PAAF1: variants seen among roughly 807,000 people sequenced by gnomAD.
PAAF1 encodes proteasomal ATPase associated factor 1, also known as proteasomal ATPase-associated factor 1.
Under a neutral mutation model 52.8 loss-of-function variants are expected in PAAF1, and 46 were observed. That is an observed-to-expected ratio of 0.87 (90% CI 0.69 to 1.11). PAAF1 has a LOEUF of 1.11. Among genes scored for constraint, PAAF1 ranks in the 50% most tolerant of loss-of-function variants. The probability of loss-of-function intolerance (pLI) is 0.00; values close to 1 mark genes in which losing one functional copy is unlikely to be tolerated. For synonymous variants in PAAF1, 178 were observed against 172.8 expected (o/e 1.03, Z -0.24); for missense variants, 424 against 477.4 (o/e 0.89, Z 1.04).
chr11:73,915,589 C>G (rs1329916006), intron 8 of PAAF1, among the ~76,000 whole-genome samples: 1 of 152,150 alleles, frequency 6.6e-6, no homozygotes, highest in Non-Finnish European at 1.5e-5. Context: ...GCCTGGGGAA[C>G]AAGAGTGAGA....
At chr11:73,923,330 ATAATCT>A (rs1303007274) in intron 10 of PAAF1, among the ~76,000 whole-genome samples, 5 of 152,156 alleles carry the variant, frequency 3.3e-5, no homozygotes, top group African/African-American at 4.8e-5. Flanking sequence ...ATACAAAGTC[ATAATCT>A]TAATACAGAA....
intron 4 of PAAF1, 75 bp from the exon 5 acceptor site, chr11:73,899,071 A>T (rs1389996895): frequency 6.0e-6 from 7 of 1,173,900 alleles, no homozygotes; most frequent in Middle Eastern, 1.9e-4. Context: ...GAAAAAAGGG[A>T]AGTTTATAAC....
At position 73,914,411 on chromosome 11, in the gene PAAF1, A is replaced by C; in HGVS notation, c.728-2A>C. The C allele has an allele frequency of 6.2e-7, 1 of 1,613,780 alleles. No individual in the cohort carries two copies. Among genetic ancestry groups the C allele is most frequent in the Non-Finnish European group, 8.5e-7 (1 of 1,179,734 alleles). On this transcript the variant is annotated splice_acceptor_variant, in intron 7 of 11. Coordinates refer to ENST00000310571, the MANE Select transcript of PAAF1 (RefSeq NM_025155.3). LOFTEE classifies it high-confidence loss of function. Reference sequence around the variant, plus strand: ...TATTAACATAGTTTATTTGTCATGCAGGTGAACGGGAGGTTGGAACAGAGG... The same window carrying C: ...TATTAACATAGTTTATTTGTCATGCCGGTGAACGGGAGGTTGGAACAGAGG...
At position 73,886,672 on chromosome 11, in the gene PAAF1, CAAAAAAAAAAA is replaced by C. The variant is rs55697916; in HGVS notation, c.89-666_89-656del. Among the ~76,000 whole-genome samples, 4 of 34,278 alleles carry C rather than the reference CAAAAAAAAAAA, an allele frequency of 1.2e-4. No homozygotes were observed. The East Asian group carries it at 2.5e-3, about 22-fold the overall frequency. 22.5% of individuals were successfully genotyped at this position (34,278 alleles called of 152,430 possible). On this transcript the variant is annotated intron_variant, in intron 2 of 11. Coordinates refer to ENST00000310571, the MANE Select transcript of PAAF1 (RefSeq NM_025155.3). ...TGGGCGACAGAGCAAGACTCCATCTCAAAAAAAAAAAAAAAAAAAAAAAAAAGAAAATGTAT... is the reference window on the plus strand; with the variant it reads ...TGGGCGACAGAGCAAGACTCCATCTCAAAAAAAAAAAAAAAGAAAATGTAT...
chr11:73,891,056 T>C lies in PAAF1; in HGVS notation c.193-56T>C, dbSNP rs112321955. 1.0e-3 allele frequency: 1,074 copies of C among 1,032,614 alleles called. 6 individuals are homozygous for C. In the African/African-American group the frequency reaches 0.011, roughly 11 times the overall value. 64.0% of individuals were successfully genotyped at this position (1,032,614 alleles called of 1,614,324 possible). A position where few individuals can be genotyped will look rare whatever the true frequency, so the allele number is the denominator to read the frequency against. Reference sequence around the variant, plus strand: ...TAATGTTTTCTTTAAGAGGCTTTAATTATAATACATTGGAGGAGTTTTACT... The same window carrying C: ...TAATGTTTTCTTTAAGAGGCTTTAACTATAATACATTGGAGGAGTTTTACT... On this transcript the variant is annotated intron_variant, in intron 3 of 11. Transcript: ENST00000310571.
rs1591040061 is a variant in PAAF1, at chr11:73,882,542, A to T, written c.88+3723A>T. 2.0e-5 allele frequency among the ~76,000 whole-genome samples: 3 copies of T among 149,262 alleles called. No individual in the cohort carries two copies. In the East Asian group the frequency reaches 6.1e-4, roughly 30 times the overall value. ...GCTCACTGCAACCTCCACCTCCTGG[A>T]TTCAAGCGATTCTCCTGCCTCAGCC... On this transcript the variant is annotated intron_variant, in intron 2 of 11. Coordinates refer to ENST00000310571, the MANE Select transcript of PAAF1 (RefSeq NM_025155.3).
intron 6 of PAAF1, among the ~76,000 whole-genome samples, chr11:73,900,626 G>A (rs1021386667): frequency 4.6e-5 from 7 of 152,154 alleles, no homozygotes; most frequent in African/African-American, 1.7e-4. Flanking sequence ...TACACAGTTG[G>A]TTTGATACCT....
chr11:73,922,516 T>A (rs553342240), intron 10 of PAAF1, among the ~76,000 whole-genome samples: 1 of 152,206 alleles, frequency 6.6e-6, no homozygotes, highest in African/African-American at 2.4e-5. Context: ...AGTTCTGTAC[T>A]GGTTTAGAAG....
rs537407209 is a variant in PAAF1, at chr11:73,908,317, G to T, written c.533-1082G>T. ...TATGTGTGTATATATGTATATATATGTGTATATATGTATATATATGTGTAT... is the reference window on the plus strand; with the variant it reads ...TATGTGTGTATATATGTATATATATTTGTATATATGTATATATATGTGTAT... On this transcript the variant is annotated intron_variant, in intron 6 of 11. Transcript: ENST00000310571. 1.2e-3 allele frequency among the ~76,000 whole-genome samples: 179 copies of T among 145,002 alleles called. 1 individual carries two copies. Among genetic ancestry groups the T allele is most frequent in the African/African-American group, 4.4e-3 (173 of 39,608 alleles).
chr11:73,906,139 A>C (rs562405077), intron 6 of PAAF1, among the ~76,000 whole-genome samples: 1 of 151,930 alleles, frequency 6.6e-6, no homozygotes, highest in African/African-American at 2.4e-5. Flanking sequence ...TCTGTTTTTG[A>C]AAGGAAGACT....
At chr11:73,889,700 T>G (rs1949150525) in intron 3 of PAAF1, among the ~76,000 whole-genome samples, 1 of 152,328 alleles carries the variant, frequency 6.6e-6, no homozygotes. Context: ...TGAAGCTCCT[T>G]GCATCCTTGC....
At chr11:73,877,866 A>G (rs924345763) in intron 1 of PAAF1, among the ~76,000 whole-genome samples, 2 of 152,196 alleles carry the variant, frequency 1.3e-5, no homozygotes, top group Non-Finnish European at 2.9e-5. Flanking sequence ...AGCCTGGGTG[A>G]CAGAGCGATA....
rs1950399613 is a variant in PAAF1, at chr11:73,927,637, G to T, written c.*275G>T. 2.1e-6 allele frequency: 1 copy of T among 481,044 alleles called. No homozygotes were observed. The highest frequency in any genetic ancestry group is 3.7e-6 in the Non-Finnish European group (1 of 269,142). The allele number at this position is 481,044 out of a possible 1,614,324, so 29.8% of individuals were successfully genotyped here. A position where few individuals can be genotyped will look rare whatever the true frequency, so the allele number is the denominator to read the frequency against. On this transcript the variant is annotated 3_prime_UTR_variant, in exon 12 of 12. Coordinates refer to ENST00000310571, the MANE Select transcript of PAAF1 (RefSeq NM_025155.3). Reference sequence around the variant, plus strand: ...CAGGGCAAGGATATAGATGCTTTTAGTTTGTTCTTAAACCAGTTTTGTTAA... The same window carrying T: ...CAGGGCAAGGATATAGATGCTTTTATTTTGTTCTTAAACCAGTTTTGTTAA...
At chr11:73,885,639 C>T (rs1290319196) in intron 2 of PAAF1, among the ~76,000 whole-genome samples, 1 of 151,052 alleles carries the variant, frequency 6.6e-6, no homozygotes, top group East Asian at 2.0e-4. Context: ...GGGAGGAGCT[C>T]AAGACCAGCC....
upstream of PAAF1, chr11:73,876,893 A>C: frequency 3.3e-6 from 3 of 907,128 alleles, no homozygotes; most frequent in Non-Finnish European, 4.7e-6. Flanking sequence ...GGGGCGGGGA[A>C]TGTGAAAAAG....
chr11:73,892,415 C>T (rs1405203157), intron 4 of PAAF1, among the ~76,000 whole-genome samples: 1 of 151,208 alleles, frequency 6.6e-6, no homozygotes, highest in Non-Finnish European at 1.5e-5. Flanking sequence ...AAATTTAGGA[C>T]ATGTAAAAAA....
At chr11:73,907,346 C>T (rs1364164555) in intron 6 of PAAF1, among the ~76,000 whole-genome samples, 1 of 152,160 alleles carries the variant, frequency 6.6e-6, no homozygotes, top group Non-Finnish European at 1.5e-5. Flanking sequence ...TCCCCTGACA[C>T]TACCCTGGCA....
chr11:73,878,275 C>T (rs1266236020), intron 1 of PAAF1, among the ~76,000 whole-genome samples: 2 of 152,158 alleles, frequency 1.3e-5, no homozygotes, highest in African/African-American at 2.4e-5. Context: ...TCATGCATCT[C>T]GTCAAATGAT....
chr11:73,881,960 C>T (rs546670831), intron 2 of PAAF1, among the ~76,000 whole-genome samples: 19 of 152,034 alleles, frequency 1.2e-4, no homozygotes, highest in South Asian at 2.1e-4. Flanking sequence ...CTGCAACCTC[C>T]GCCTCCCAGA....
Sources: allele counts gnomAD v4.1 joint callset (sites outside exome capture counted in the v4.1 genomes callset), GRCh38; gene constraint gnomAD v4.1.1; transcripts MANE v1.5; gene names NCBI Gene and HGNC (gene_info 2026-07-23, HGNC 2026-07-21).